The following CCSER1 variants were observed in gnomAD, a reference collection of about 807,000 sequenced individuals.
CCSER1 encodes serine-rich coiled-coil domain-containing protein 1.
CCSER1 carries 41 observed loss-of-function variants against 82.0 expected under a neutral mutation model. The observed-to-expected ratio is 0.50, with a 90% CI of 0.39 to 0.65. The LOEUF is 0.65. Among genes scored for constraint, CCSER1 ranks in the 30% least tolerant of loss-of-function variants. The pLI, the probability that CCSER1 is intolerant of heterozygous loss-of-function variation, is 0.00. For missense variants in CCSER1, 1,119 were observed against 1,064.2 expected, an observed-to-expected ratio of 1.05 and a Z score of -0.72; for synonymous variants, 414 against 383.9, an observed-to-expected ratio of 1.08 and a Z score of -0.92.
intron 5 of CCSER1, among the ~76,000 whole-genome samples, chr4:90,563,848 G>A (rs1779061092): frequency 6.6e-6 from 1 of 152,082 alleles, no homozygotes. Context: ...TTAATTTTTT[G>A]AGGAGATTCC....
intron 6 of CCSER1, among the ~76,000 whole-genome samples, chr4:90,690,551 A>G (rs1490454520): frequency 6.6e-6 from 1 of 152,028 alleles, no homozygotes; most frequent in African/African-American, 2.4e-5. Context: ...TGCATGTCAA[A>G]TATTTCTACA....
chr4:90,165,021 A>G (rs1319910494), intron 1 of CCSER1, among the ~76,000 whole-genome samples: 1 of 152,116 alleles, frequency 6.6e-6, no homozygotes, highest in African/African-American at 2.4e-5. Flanking sequence ...GAACTTGTTG[A>G]AAATCACTGA....
At chr4:91,137,698 G>A (rs1243491278) in intron 10 of CCSER1, among the ~76,000 whole-genome samples, 4 of 151,434 alleles carry the variant, frequency 2.6e-5, no homozygotes, top group South Asian at 4.2e-4. Context: ...TTTAATGATT[G>A]CCATTCTAAC....
chr4:90,658,434 C>T lies in CCSER1; in HGVS notation c.1932+30202C>T, dbSNP rs1730130296. Among the ~76,000 whole-genome samples, 3 of 152,144 alleles carry T rather than the reference C, an allele frequency of 2.0e-5. No homozygotes were observed. The South Asian group carries it at 6.2e-4, about 31-fold the overall frequency. The stretch of plus-strand genomic sequence containing the variant: ...AAACCAGGAGTTTCCCCAGGAACTC[C>T]TCTCCCTGGGAGACCTGAATTCCAA... On this transcript the variant is annotated intron_variant, in intron 6 of 10. Coordinates refer to ENST00000509176, the MANE Select transcript of CCSER1 (RefSeq NM_001145065.2).
At chr4:90,207,396 A>G (rs548166409) in intron 1 of CCSER1, among the ~76,000 whole-genome samples, 97 of 151,830 alleles carry the variant, frequency 6.4e-4, no homozygotes, top group Non-Finnish European at 1.2e-3. Context: ...AATTCCTCTA[A>G]CCTTTTTTCA....
intron 10 of CCSER1, among the ~76,000 whole-genome samples, chr4:91,524,031 T>C (rs2138581): frequency 0.48 from 72,492 of 151,982 alleles, 17,592 homozygotes; most frequent in East Asian, 0.61. Context: ...TTTTACAAAC[T>C]GCCTTTTCAT....
intron 10 of CCSER1, among the ~76,000 whole-genome samples, chr4:91,260,118 A>G (rs965196086): frequency 7.2e-5 from 11 of 152,236 alleles, no homozygotes; most frequent in African/African-American, 2.4e-4. Context: ...TACTGTGGAT[A>G]TATAGCTGGG....
chr4:91,517,745 CGTGT>C (rs71579530), intron 10 of CCSER1, among the ~76,000 whole-genome samples: 14,161 of 121,002 alleles, frequency 0.12, 718 homozygotes, highest in Middle Eastern at 0.14. Flanking sequence ...AGTTCTTTCT[CGTGT>C]GTGTGTGTGT....
intron 3 of CCSER1, among the ~76,000 whole-genome samples, chr4:90,338,836 T>C (rs1026004425): frequency 6.6e-6 from 1 of 152,218 alleles, no homozygotes; most frequent in Admixed American, 6.5e-5. Flanking sequence ...CATAGCTTTT[T>C]ATTGTATTGA....
At position 90,484,067 on chromosome 4, in the gene CCSER1, C is replaced by T. The variant is rs533529462; in HGVS notation, c.1724+15713C>T. On this transcript the variant is annotated intron_variant, in intron 5 of 10. Coordinates refer to ENST00000509176, the MANE Select transcript of CCSER1 (RefSeq NM_001145065.2). Reference sequence around the variant, plus strand: ...TCACATATTTCTTGGAGGCTTTGTTCGTTTCTTTTTATTCTTTTTTCTCTA... The same window carrying T: ...TCACATATTTCTTGGAGGCTTTGTTTGTTTCTTTTTATTCTTTTTTCTCTA... Among the ~76,000 whole-genome samples, 9 of 152,228 alleles carry T rather than the reference C, an allele frequency of 5.9e-5. No individual in the cohort carries two copies. In the South Asian group the frequency reaches 6.2e-4, roughly 11 times the overall value.
intron 5 of CCSER1, among the ~76,000 whole-genome samples, chr4:90,611,146 G>T (rs548574015): frequency 7.2e-6 from 1 of 138,294 alleles, no homozygotes; most frequent in Non-Finnish European, 1.5e-5. Flanking sequence ...TGATCCACTC[G>T]CCTCAGCCTC....
intron 10 of CCSER1, among the ~76,000 whole-genome samples, chr4:91,137,046 A>G (rs1255653005): frequency 6.7e-6 from 1 of 150,008 alleles, no homozygotes; most frequent in Non-Finnish European, 1.5e-5. Flanking sequence ...GTTTTAGGGT[A>G]CATGTGCACA....
intron 7 of CCSER1, among the ~76,000 whole-genome samples, chr4:90,759,741 A>G (rs1750140251): frequency 6.6e-6 from 1 of 152,198 alleles, no homozygotes; most frequent in African/African-American, 2.4e-5. Flanking sequence ...ACGATCTGAT[A>G]CTGAAATATG....
At chr4:91,496,714 AATATATAGAATATAT>A (rs1560716827) in intron 10 of CCSER1, among the ~76,000 whole-genome samples, 5 of 35,338 alleles carry the variant, frequency 1.4e-4, no homozygotes, top group Non-Finnish European at 2.7e-4. Flanking sequence ...ATATATATTC[AATATATAGAATATAT>A]ATATATATTG....
At chr4:91,503,328 C>T (rs114764437) in intron 10 of CCSER1, among the ~76,000 whole-genome samples, 15,799 of 143,524 alleles carry the variant, frequency 0.11, 993 homozygotes, top group Middle Eastern at 0.23. Context: ...GGAGAAAGAG[C>T]GATACTCCAT....
chr4:90,730,963 GTGTT>G (rs1190119717), intron 7 of CCSER1, among the ~76,000 whole-genome samples: 1 of 152,054 alleles, frequency 6.6e-6, no homozygotes, highest in African/African-American at 2.4e-5. Context: ...AGCCATTAGA[GTGTT>G]TGTTGAAAAA....
intron 10 of CCSER1, among the ~76,000 whole-genome samples, chr4:91,470,123 G>A (rs1350257924): frequency 2.0e-5 from 3 of 152,098 alleles, no homozygotes; most frequent in Non-Finnish European, 1.5e-5. Flanking sequence ...ACAGTGCCAT[G>A]GGCTAATCGT....
At chr4:90,524,280 C>A (rs575944993) in intron 5 of CCSER1, among the ~76,000 whole-genome samples, 1 of 152,252 alleles carries the variant, frequency 6.6e-6, no homozygotes, top group East Asian at 1.9e-4. Flanking sequence ...AAACTTCAGG[C>A]CTTTTTTGCA....
intron 5 of CCSER1, among the ~76,000 whole-genome samples, chr4:90,505,851 T>A (rs1196615884): frequency 6.6e-6 from 1 of 152,170 alleles, no homozygotes; most frequent in African/African-American, 2.4e-5. Flanking sequence ...CCGCATCCTG[T>A]TTTATCAGTA....
Sources: allele counts gnomAD v4.1 joint callset (sites outside exome capture counted in the v4.1 genomes callset), GRCh38; gene constraint gnomAD v4.1.1; transcripts MANE v1.5; gene names NCBI Gene and HGNC (gene_info 2026-07-23, HGNC 2026-07-21).